RBFOX1: variants seen among roughly 807,000 people sequenced by gnomAD.
The protein encoded by RBFOX1 is RNA binding fox-1 homolog 1.
In RBFOX1, 8 loss-of-function variants were observed where a neutral mutation model predicts 57.7. The observed-to-expected ratio is 0.14, with a 90% CI of 0.08 to 0.25. RBFOX1 has a LOEUF of 0.25. RBFOX1 is among the 10% of genes least tolerant of loss of function. The probability of loss-of-function intolerance (pLI) is 1.00; values close to 1 mark genes in which losing one functional copy is unlikely to be tolerated. For synonymous variants in RBFOX1, 326 were observed against 222.4 expected (o/e 1.47, Z -4.15); for missense variants, 611 against 548.5 (o/e 1.11, Z -1.14).
chr16:5,822,658 G>A (rs924703280), intron 3 of RBFOX1, among the ~76,000 whole-genome samples: 4 of 152,130 alleles, frequency 2.6e-5, no homozygotes, highest in Admixed American at 2.6e-4. Flanking sequence ...CAAGAATTAC[G>A]GAATTATGTC....
chr16:7,064,569 A>C (rs2055462124), intron 4 of RBFOX1, among the ~76,000 whole-genome samples: 1 of 152,196 alleles, frequency 6.6e-6, no homozygotes, highest in South Asian at 2.1e-4. Flanking sequence ...TCAAAGGAGG[A>C]TGATCTGAGA....
intron 3 of RBFOX1, among the ~76,000 whole-genome samples, chr16:6,869,793 T>G (rs2060556631): frequency 6.6e-6 from 1 of 152,136 alleles, no homozygotes; most frequent in African/African-American, 2.4e-5. Flanking sequence ...GAATTTCCAA[T>G]TACTTAATTC....
chr16:6,553,336 C>T (rs1377480379), intron 2 of RBFOX1, among the ~76,000 whole-genome samples: 1 of 152,188 alleles, frequency 6.6e-6, no homozygotes, highest in African/African-American at 2.4e-5. Flanking sequence ...CAGACGTAGG[C>T]AGCAAATGCT....
rs114412610 is a variant in RBFOX1 at position 5,752,707 on chromosome 16, C to T, written c.319-114596C>T. Among the ~76,000 whole-genome samples the T allele has an allele frequency of 3.3e-3, 502 of 152,182 alleles. 2 individuals carry two copies. Among genetic ancestry groups the T allele is most frequent in the African/African-American group, 0.01 (423 of 41,522 alleles). ...AGAGAACCCTCTTAGGAGGTGAGGGCGTATAAGCAGTTGGGATTTCATGAA... is the reference window on the plus strand; with the variant it reads ...AGAGAACCCTCTTAGGAGGTGAGGGTGTATAAGCAGTTGGGATTTCATGAA... On this transcript the variant is annotated intron_variant, in intron 3 of 19. Coordinates refer to the RBFOX1 transcript ENST00000641259.
rs148866449 is a variant in RBFOX1, at chr16:6,256,958, G to A, written c.-126-60037G>A. ...CCTAATAATGTGTGCACCCCAAAGC[G>A]TAAACCTTACACCTGCATTCCATGA... On this transcript the variant is annotated intron_variant, in intron 1 of 15. Coordinates refer to ENST00000550418, the MANE Select transcript of RBFOX1 (RefSeq NM_018723.4). Among the ~76,000 whole-genome samples the A allele has an allele frequency of 6.8e-4, 104 of 152,192 alleles. No homozygotes were observed. The East Asian group carries it at 7.2e-3, about 10-fold the overall frequency.
chr16:7,694,603 C>A (rs1355461049), intron 14 of RBFOX1, among the ~76,000 whole-genome samples: 1 of 152,144 alleles, frequency 6.6e-6, no homozygotes. Context: ...CTGCAATTTC[C>A]CTCTTAACCC....
At chr16:7,033,104 G>T (rs2043233019) in intron 3 of RBFOX1, among the ~76,000 whole-genome samples, 1 of 152,154 alleles carries the variant, frequency 6.6e-6, no homozygotes, top group Admixed American at 6.5e-5. Context: ...TGGGCTGAGT[G>T]GGGAGATGAG....
At chr16:6,259,146 A>G (rs1253852119) in intron 1 of RBFOX1, among the ~76,000 whole-genome samples, 1 of 152,204 alleles carries the variant, frequency 6.6e-6, no homozygotes, top group Non-Finnish European at 1.5e-5. Context: ...TTTTTCATTA[A>G]TTACTCTGAC....
intron 4 of RBFOX1, among the ~76,000 whole-genome samples, chr16:7,189,191 C>T (rs557134188): frequency 7.2e-5 from 11 of 151,854 alleles, no homozygotes; most frequent in East Asian, 3.9e-4. Flanking sequence ...TTTGGGAGGC[C>T]GACGTAGGTA....
rs770348473 is a variant in RBFOX1, at chr16:7,579,747, A to G, written c.271-30A>G. 1.9e-5 allele frequency: 30 copies of G among 1,613,728 alleles called. No homozygotes were observed. The Admixed American group carries it at 5.0e-4, about 27-fold the overall frequency. ...GAAGAGAGCACTGTGGTCCACTGAG[A>G]ACCTCTTCGGTTTCTTCTTGTTCTT... On this transcript the variant is annotated intron_variant, in intron 5 of 15. Transcript: ENST00000550418.
At chr16:7,074,183 C>G (rs931506175) in intron 4 of RBFOX1, among the ~76,000 whole-genome samples, 5 of 152,014 alleles carry the variant, frequency 3.3e-5, no homozygotes, top group Non-Finnish European at 7.4e-5. Flanking sequence ...ACAAGATGAC[C>G]CAAATGTTAG....
chr16:6,129,742 T>G (rs58833350), intron 1 of RBFOX1, among the ~76,000 whole-genome samples: 1 of 140,332 alleles, frequency 7.1e-6, no homozygotes. Context: ...ATCAGTCATA[T>G]TGACGAAAAA....
intron 2 of RBFOX1, among the ~76,000 whole-genome samples, chr16:6,456,410 G>C (rs2094774317): frequency 6.6e-6 from 1 of 152,132 alleles, no homozygotes; most frequent in Non-Finnish European, 1.5e-5. Flanking sequence ...CTGGGCTCAA[G>C]CAATATTCCC....
At chr16:5,389,450 C>T (rs2066344516) in intron 1 of RBFOX1, among the ~76,000 whole-genome samples, 1 of 152,034 alleles carries the variant, frequency 6.6e-6, no homozygotes, top group East Asian at 1.9e-4. Flanking sequence ...CGCTTCCCAC[C>T]CCTGCAGTTG....
At chr16:5,242,999 T>G (rs535371165) in intron 1 of RBFOX1, among the ~76,000 whole-genome samples, 1 of 30,828 alleles carries the variant, frequency 3.2e-5, no homozygotes, top group African/African-American at 1.3e-4. Context: ...GGGTGGAGGG[T>G]GGAGGGTGGG....
At chr16:7,493,296 C>G (rs1307191698) in intron 4 of RBFOX1, among the ~76,000 whole-genome samples, 2 of 152,180 alleles carry the variant, frequency 1.3e-5, no homozygotes, top group Admixed American at 6.5e-5. Flanking sequence ...CTAGAGTTTC[C>G]TGTGTTAGAC....
Position 5,584,937 on chromosome 16 carries a change from T to A in RBFOX1, c.259-13965T>A, listed in dbSNP as rs558440392. On this transcript the variant is annotated intron_variant, in intron 2 of 2. Coordinates refer to the RBFOX1 transcript ENST00000585867. ...TTTATTTTTATTTGAAAAAATACGG[T>A]CAAAGCACAAAGGGAGGGATAGAAG... Among the ~76,000 whole-genome samples the A allele has an allele frequency of 3.9e-5, 6 of 152,174 alleles. No homozygotes were observed. In the East Asian group the frequency reaches 1.2e-3, roughly 29 times the overall value.
chr16:6,644,233 A>T (rs368849524), intron 2 of RBFOX1, among the ~76,000 whole-genome samples: 16 of 152,344 alleles, frequency 1.1e-4, no homozygotes, highest in African/African-American at 3.8e-4. Flanking sequence ...TTATTTTCAC[A>T]ACAATAGGCA....
chr16:7,273,833 TTCTC>T (rs1212659763), intron 4 of RBFOX1, among the ~76,000 whole-genome samples: 2 of 152,232 alleles, frequency 1.3e-5, no homozygotes, highest in African/African-American at 4.8e-5. Context: ...TGGTTTGCCT[TTCTC>T]TCTTTCTGTC....
Sources: gnomAD v4.1 joint callset for allele counts (sites outside exome capture counted in the v4.1 genomes callset) on GRCh38, gnomAD v4.1.1 for gene constraint, MANE v1.5 for transcripts, NCBI Gene and HGNC (gene_info 2026-07-23, HGNC 2026-07-21) for gene names.